Variants in TMEM130 observed in about 807,000 individuals in gnomAD.
TMEM130 encodes transmembrane protein 130.
Under a neutral mutation model 42.9 loss-of-function variants are expected in TMEM130, and 37 were observed. That is an observed-to-expected ratio of 0.86 (90% CI 0.66 to 1.13). The LOEUF (loss-of-function observed/expected upper bound fraction) is 1.13. Ranked by LOEUF, TMEM130 falls within the 50% of genes most tolerant of loss-of-function variation. The probability of loss-of-function intolerance (pLI) is 0.00; values close to 1 mark genes in which losing one functional copy is unlikely to be tolerated. For synonymous variants in TMEM130, 259 were observed against 237.7 expected, an observed-to-expected ratio of 1.09 and a Z score of -0.82; for missense variants, 545 against 562.6, an observed-to-expected ratio of 0.97 and a Z score of 0.32.
At chr7:98,860,797 G>T (rs1794754684) in intron 2 of TMEM130, among the ~76,000 whole-genome samples, 1 of 151,914 alleles carries the variant, frequency 6.6e-6, no homozygotes. Flanking sequence ...ACAAAAATTA[G>T]CCAGGTGTGG....
At chr7:98,853,185 A>G (rs1289755125) in intron 5 of TMEM130, among the ~76,000 whole-genome samples, 2 of 152,234 alleles carry the variant, frequency 1.3e-5, no homozygotes, top group Non-Finnish European at 2.9e-5. Context: ...CATTCTCCCC[A>G]TGCTAAGCTC....
rs1794397834 is a variant in TMEM130, at chr7:98,848,015, G to A, written c.*41C>T. The A allele has an allele frequency of 1.9e-6, 3 of 1,573,444 alleles. No homozygotes were observed. The highest frequency in any genetic ancestry group is 1.8e-4 in the Middle Eastern group (1 of 5,430). On this transcript the variant is annotated 3_prime_UTR_variant, in exon 8 of 8. Coordinates refer to ENST00000339375, the MANE Select transcript of TMEM130 (RefSeq NM_152913.3). ...CCACCCTGCTGGAAACTCCAAGTCA[G>A]CAGTCAGTTAACACTGAGATGGGGT...
chr7:98,863,661 C>T (rs1794840345), intron 1 of TMEM130, among the ~76,000 whole-genome samples: 1 of 142,854 alleles, frequency 7.0e-6, no homozygotes, highest in Admixed American at 7.1e-5. Flanking sequence ...TCCCTCCTTC[C>T]TCCTTCCCTC....
intron 1 of TMEM130, among the ~76,000 whole-genome samples, chr7:98,865,435 C>T (rs1052240519): frequency 1.3e-5 from 2 of 152,098 alleles, no homozygotes; most frequent in Admixed American, 1.3e-4. Context: ...TGGAGAAACC[C>T]CCGTTTCTAC....
chr7:98,866,574 G>A (rs1157451375), intron 1 of TMEM130: 1 of 152,208 alleles, frequency 6.6e-6, no homozygotes, highest in African/African-American at 2.4e-5. Flanking sequence ...TCCAGGGCAG[G>A]GCCAGCCCGG....
chr7:98,857,780 A>G (rs1221322206), intron 3 of TMEM130, among the ~76,000 whole-genome samples: 1 of 141,492 alleles, frequency 7.1e-6, no homozygotes, highest in African/African-American at 2.6e-5. Flanking sequence ...GCTGAAGTGC[A>G]GTGGCATGAT....
chr7:98,859,113 G>T (rs1007674560), intron 3 of TMEM130, among the ~76,000 whole-genome samples: 10 of 147,842 alleles, frequency 6.8e-5, no homozygotes, highest in Non-Finnish European at 1.2e-4. Flanking sequence ...AAGGAAGAAA[G>T]GAAGGGAGGG....
rs1794568054 is a variant in TMEM130 at position 98,853,889 on chromosome 7, C to T, written c.803+1351G>A. The stretch of plus-strand genomic sequence containing the variant: ...GGTGCCCCACCCTGCACACAGAATC[C>T]TTGGAAATCTTGTCTACTCTGGTCT... On this transcript the variant is annotated intron_variant, in intron 5 of 7. Coordinates refer to ENST00000339375, the MANE Select transcript of TMEM130 (RefSeq NM_152913.3). 2.0e-5 allele frequency among the ~76,000 whole-genome samples: 3 copies of T among 152,208 alleles called. No individual in the cohort carries two copies. In the South Asian group the frequency reaches 6.2e-4, roughly 32 times the overall value.
Position 98,869,632 on chromosome 7 carries a change from T to G in TMEM130, c.85+145A>C, listed in dbSNP as rs1468794218. 1 of 663,678 alleles carries G rather than the reference T, an allele frequency of 1.5e-6. No individual in the cohort carries two copies. Among genetic ancestry groups the G allele is most frequent in the East Asian group, 3.5e-5 (1 of 28,946 alleles). The allele number at this position is 663,678 out of a possible 1,614,324, so 41.1% of individuals were successfully genotyped here. ...AAGGAGAGGGGAAAGGGCGCTGCAG[T>G]GGCCTCAGCCGAGGAGGGAGATGCG... On this transcript the variant is annotated intron_variant, in intron 1 of 7. Coordinates refer to ENST00000339375, the MANE Select transcript of TMEM130 (RefSeq NM_152913.3). The surrounding 1 kb of genome is among the most constrained non-coding windows in gnomAD (Gnocchi z 4.7).
chr7:98,857,043 T>A (rs1431991284), intron 3 of TMEM130, among the ~76,000 whole-genome samples: 1 of 152,050 alleles, frequency 6.6e-6, no homozygotes, highest in Non-Finnish European at 1.5e-5. Flanking sequence ...CACCTCAGCC[T>A]CCCGAGTAGC....
At chr7:98,862,971 CTA>C (rs1794819141) in intron 2 of TMEM130, 122 bp downstream of exon 2, 2 of 1,024,122 alleles carry the variant, frequency 2.0e-6, no homozygotes, top group African/African-American at 8.1e-5. Flanking sequence ...GGGAAGGAAC[CTA>C]CGGGCCTAAT....
In TMEM130 at chr7:98,851,492, C is replaced by T. The variant is rs1171137260; in HGVS notation, c.935G>A (p.Cys312Tyr). ...GATATTCTCGGCCCGGATGCTGAAG[C>T]AGTAGTCCCCAGGGTCCCTGAAGGT... is the stretch of plus-strand genomic sequence containing the variant. The part of the protein sequence containing the change: ...THTFRDPGDY[C>Y]FSIRAENIIS... Residue 312 changes from cysteine (C) to tyrosine (Y), a missense_variant, in exon 6 of 8, where the codon TGC (cysteine) becomes TAC (tyrosine). Cys to Tyr is a radical substitution (Grantham distance 194). Transcript: ENST00000339375. 4 of 1,613,940 alleles carry T rather than the reference C, an allele frequency of 2.5e-6. No homozygotes were observed. Among genetic ancestry groups the T allele is most frequent in the Non-Finnish European group, 3.4e-6 (4 of 1,180,032 alleles).
intron 6 of TMEM130, among the ~76,000 whole-genome samples, chr7:98,850,273 A>ATATATATTTTTTTTTTTTTTTTTT: frequency 3.7e-4 from 13 of 35,458 alleles, no homozygotes; most frequent in Admixed American, 8.6e-4. Context: ...ATATATATAT[A>ATATATATTTTTTTTTTTTTTTTTT]TTTTTTTTTT....
At chr7:98,859,903 T>TA (rs1210568483) in intron 3 of TMEM130, among the ~76,000 whole-genome samples, 3 of 150,510 alleles carry the variant, frequency 2.0e-5, no homozygotes, top group South Asian at 4.2e-4. Context: ...AAAATAAAAA[T>TA]AAAAAAAATA....
In TMEM130 at chr7:98,869,528, C is replaced by T. The variant is rs1794982782; in HGVS notation, c.85+249G>A. Among the ~76,000 whole-genome samples the T allele has an allele frequency of 6.6e-6, 1 of 152,212 alleles. No individual in the cohort carries two copies. Among genetic ancestry groups the T allele is most frequent in the African/African-American group, 2.4e-5 (1 of 41,454 alleles). On this transcript the variant is annotated intron_variant, in intron 1 of 7. Transcript: ENST00000339375. The surrounding 1 kb of genome is among the most constrained non-coding windows in gnomAD (Gnocchi z 4.7). ...GCGCGGTTTCCAGGGCAGGGCCAGC[C>T]TGGGGGGGTGGAAGCAGGAATCCAG...
chr7:98,864,664 C>T (rs1471383806), intron 1 of TMEM130, among the ~76,000 whole-genome samples: 1 of 151,936 alleles, frequency 6.6e-6, no homozygotes, highest in East Asian at 2.0e-4. Context: ...TTTGGGAGGC[C>T]GAGGTAAGCG....
rs1478518184 is a variant in TMEM130 at position 98,847,872 on chromosome 7, T to C, written c.*184A>G. On this transcript the variant is annotated 3_prime_UTR_variant, in exon 8 of 8. Transcript: ENST00000339375. Reference sequence around the variant, plus strand: ...TGGACTGTACAGATGGGTGAATGGCTGGGGTCAGGGGTGACAGAGAGGGAG... The same window carrying C: ...TGGACTGTACAGATGGGTGAATGGCCGGGGTCAGGGGTGACAGAGAGGGAG... The C allele has an allele frequency of 1.3e-5, 8 of 594,088 alleles. No individual in the cohort carries two copies. Among genetic ancestry groups the C allele is most frequent in the Non-Finnish European group, 2.4e-5 (8 of 337,078 alleles). The allele number at this position is 594,088 out of a possible 1,614,324, so 36.8% of individuals were successfully genotyped here. A position where few individuals can be genotyped will look rare whatever the true frequency, so the allele number is the denominator to read the frequency against.
rs782228068 is a variant in TMEM130, at chr7:98,863,344, T to G, written c.142A>C (p.Thr48Pro). 7.5e-6 allele frequency: 12 copies of G among 1,608,804 alleles called. No homozygotes were observed. Among genetic ancestry groups the G allele is most frequent in the African/African-American group, 4.0e-5 (3 of 74,822 alleles). Reference sequence around the variant, plus strand: ...TTGGCCACCAGGCTGGCCGAGATGGTCACCACCGCTCCCGTGGTGGCAGGG... The same window carrying G: ...TTGGCCACCAGGCTGGCCGAGATGGGCACCACCGCTCCCGTGGTGGCAGGG... ...DSPATTGAVV[T>P]ISASLVAKDN... The change falls in exon 2 of 8, where the codon ACC becomes CCC. Residue 48 changes from threonine to proline, a missense_variant. Thr to Pro is a conservative substitution (Grantham distance 38, BLOSUM62 -1). Coordinates refer to ENST00000339375, the MANE Select transcript of TMEM130 (RefSeq NM_152913.3).
intron 1 of TMEM130, among the ~76,000 whole-genome samples, chr7:98,868,706 T>C (rs1195403162): frequency 2.6e-5 from 4 of 152,200 alleles, no homozygotes; most frequent in African/African-American, 7.2e-5. Flanking sequence ...AAGGGTGCAA[T>C]TGGCTAGAAT....
Sources: gnomAD v4.1 joint callset for allele counts (sites outside exome capture counted in the v4.1 genomes callset) on GRCh38, gnomAD v4.1.1 for gene constraint, Gnocchi (gnomAD v3.1) non-coding constraint, MANE v1.5 for transcripts, NCBI Gene and HGNC (gene_info 2026-07-23, HGNC 2026-07-21) for gene names.